Variants in KLRK1 observed in about 807,000 individuals in gnomAD.
KLRK1 encodes the protein killer cell lectin like receptor K1.
KLRK1 carries 40 observed loss-of-function variants against 31.3 expected under a neutral mutation model. The observed-to-expected ratio is 1.28, with a 90% CI of 0.99 to 1.67. The LOEUF (loss-of-function observed/expected upper bound fraction) is 1.67, where lower values mean the gene tolerates loss of function less well. Among genes scored for constraint, KLRK1 ranks in the 40% most tolerant of loss-of-function variants. KLRK1 has a pLI of 0.00. For missense variants in KLRK1, 251 were observed against 260.0 expected, an observed-to-expected ratio of 0.97 and a Z score of 0.24; for synonymous variants, 77 against 77.3, an observed-to-expected ratio of 1.00 and a Z score of 0.02.
At chr12:10,380,185 C>T (rs1863047150) in intron 3 of KLRK1, among the ~76,000 whole-genome samples, 1 of 151,060 alleles carries the variant, frequency 6.6e-6, no homozygotes, top group African/African-American at 2.4e-5. Context: ...CCTGCCTCAC[C>T]CTCCCGAGTA....
rs1040312674 is a variant in KLRK1 at position 10,387,876 on chromosome 12, A to G, written c.41-866T>C. Among the ~76,000 whole-genome samples the G allele has an allele frequency of 1.1e-4, 17 of 152,172 alleles. 1 individual carries two copies. Among genetic ancestry groups the G allele is most frequent in the Admixed American group, 1.1e-3 (17 of 15,272 alleles). On this transcript the variant is annotated intron_variant, in intron 2 of 7. Coordinates refer to ENST00000240618, the MANE Select transcript of KLRK1 (RefSeq NM_007360.4). ...ATTTTCTTTATAATGAAGGACATAC[A>G]TAGGCTAAAATAGTGGGGTCTAATG...
chr12:10,381,387 A>G (rs1168387432), intron 3 of KLRK1, among the ~76,000 whole-genome samples: 2 of 152,218 alleles, frequency 1.3e-5, no homozygotes, highest in African/African-American at 2.4e-5. Context: ...TAGCCCCACA[A>G]GAGATGCTTA....
In KLRK1 at chr12:10,375,701, T is replaced by C. The variant is rs922780996; in HGVS notation, c.533+2431A>G. On this transcript the variant is annotated intron_variant, in intron 7 of 7. Transcript: ENST00000240618. ...TAGTGACAAAATGCTTAGGTTTCAT[T>C]CCTGATCGTTGTAGCTGAATGAAGA... 2.6e-5 allele frequency among the ~76,000 whole-genome samples: 4 copies of C among 152,326 alleles called. No individual in the cohort carries two copies. In the East Asian group the frequency reaches 5.8e-4, roughly 22 times the overall value.
intron 5 of KLRK1, 48 bp downstream of exon 5, chr12:10,379,399 G>A: frequency 8.6e-7 from 1 of 1,166,510 alleles, no homozygotes; most frequent in Non-Finnish European, 1.2e-6. Flanking sequence ...AATAATGTAG[G>A]TAGATACATA....
chr12:10,379,509 A>C (rs1274439595), intron 4 of KLRK1, 27 bp from the exon 5 acceptor site: 2 of 1,436,996 alleles, frequency 1.4e-6, no homozygotes, highest in Non-Finnish European at 1.9e-6. Flanking sequence ...AAGTATTAAA[A>C]GTTTGTATTG....
intron 7 of KLRK1, among the ~76,000 whole-genome samples, chr12:10,376,028 AGG>A (rs1862958419): frequency 6.6e-6 from 1 of 152,240 alleles, no homozygotes; most frequent in Non-Finnish European, 1.5e-5. Flanking sequence ...GATATGCAGA[AGG>A]TCACCTTTGA....
intron 6 of KLRK1, 148 bp downstream of exon 6, chr12:10,378,406 T>G: frequency 2.1e-6 from 3 of 1,400,382 alleles, no homozygotes; most frequent in Non-Finnish European, 1.9e-6. Flanking sequence ...ATTTCTGTGC[T>G]TTGTTATTTT....
At chr12:10,379,606 G>C in intron 4 of KLRK1, 94 bp downstream of exon 4, 1 of 1,361,846 alleles carries the variant, frequency 7.3e-7, no homozygotes, top group Non-Finnish European at 1.0e-6. Context: ...AATATTTCTA[G>C]TTTATGTGTC....
chr12:10,378,615 C>A lies in KLRK1; in HGVS notation c.368G>T (p.Ser123Ile). The A allele has an allele frequency of 1.2e-6, 2 of 1,612,756 alleles. No homozygotes were observed. The highest frequency in any genetic ancestry group is 1.7e-6 in the Non-Finnish European group (2 of 1,179,736). The change falls in exon 6 of 8, where the codon AGC (serine) becomes ATC (isoleucine). Residue 123 changes from serine to isoleucine, a missense_variant. By Grantham distance (142) the Ser-to-Ile change is moderately radical. Coordinates refer to ENST00000240618, the MANE Select transcript of KLRK1 (RefSeq NM_007360.4). ...ATTTTGAGACATACAAGAAGCCTGG[C>A]TCTCATACCAGTTTTTACTCTCATC... ...FFDESKNWYE[S>I]QASCMSQNAS...
rs1419101922 is a variant in KLRK1, at chr12:10,378,231, A to G, written c.434T>C (p.Leu145Ser). ...ATGATATGACTTCACCAGTTTAAGTAAATCCTGTTTGAAACCACAAATAAA... is the reference window on the plus strand; with the variant it reads ...ATGATATGACTTCACCAGTTTAAGTGAATCCTGTTTGAAACCACAAATAAA... ...LKVYSKEDQD[L>S]LKLVKSYHWM... The change falls in exon 7 of 8, where the codon TTA becomes TCA. Residue 145 changes from leucine (L) to serine (S), a missense_variant. Transcript: ENST00000240618. The G allele has an allele frequency of 6.2e-7, 1 of 1,611,978 alleles. No homozygotes were observed. The highest frequency in any genetic ancestry group is 1.3e-5 in the African/African-American group (1 of 74,800).
At chr12:10,379,378 C>A (rs1203982974) in intron 5 of KLRK1, 69 bp downstream of exon 5, 2 of 943,432 alleles carry the variant, frequency 2.1e-6, no homozygotes, top group Non-Finnish European at 3.0e-6. Flanking sequence ...TCATGGAATA[C>A]ATGTCTACAC....
intron 7 of KLRK1, among the ~76,000 whole-genome samples, chr12:10,376,496 AAGT>A (rs1862969167): frequency 6.6e-6 from 1 of 152,196 alleles, no homozygotes; most frequent in South Asian, 2.1e-4. Context: ...TGGAAACAAA[AAGT>A]AGTATCTCAA....
At chr12:10,382,884 TTTG>T (rs1291870652) in intron 3 of KLRK1, among the ~76,000 whole-genome samples, 2 of 152,208 alleles carry the variant, frequency 1.3e-5, no homozygotes, top group Admixed American at 6.5e-5. Flanking sequence ...AGTTTTTTCT[TTTG>T]TTGTTTTGTT....
intron 7 of KLRK1, among the ~76,000 whole-genome samples, chr12:10,374,790 A>G (rs1367643978): frequency 6.6e-6 from 1 of 152,180 alleles, no homozygotes; most frequent in Admixed American, 6.5e-5. Flanking sequence ...ACACTGGATT[A>G]TTTGTTTGTA....
rs2061754 is a variant in KLRK1 at position 10,372,902 on chromosome 12, T to C, written c.*212A>G. ...GAGGCAGCCTTGGGGATATCTGAAT[T>C]GCCTTTAGGATCTCTCTTCTTTTGT... On this transcript the variant is annotated 3_prime_UTR_variant, in exon 8 of 8. Transcript: ENST00000240618. 10,906 of 494,736 alleles carry C rather than the reference T, an allele frequency of 0.022. 998 individuals carry two copies. Among genetic ancestry groups the C allele is most frequent in the African/African-American group, 0.2 (9,729 of 49,278 alleles). 30.6% of individuals were successfully genotyped at this position (494,736 alleles called of 1,614,324 possible).
chr12:10,383,947 G>A (rs1039791050), intron 3 of KLRK1, among the ~76,000 whole-genome samples: 1 of 152,014 alleles, frequency 6.6e-6, no homozygotes, highest in Non-Finnish European at 1.5e-5. Flanking sequence ...AAAATCAGTA[G>A]TGTTTCTATA....
chr12:10,387,069 A>C, intron 2 of KLRK1, 59 bp from the exon 3 acceptor site: 1 of 1,388,774 alleles, frequency 7.2e-7, no homozygotes, highest in Non-Finnish European at 9.8e-7. Flanking sequence ...TTGGGGCATA[A>C]ATTTTAAAAA....
chr12:10,379,045 T>TCGGGAGGG, intron 5 of KLRK1: 1 of 190,980 alleles, frequency 5.2e-6, no homozygotes, highest in Non-Finnish European at 1.1e-5. Flanking sequence ...TCCCAGCTAC[T>TCGGGAGGG]TGGAAGCTGA....
intron 6 of KLRK1, 134 bp from the exon 7 acceptor site, chr12:10,378,369 T>C: frequency 7.7e-7 from 1 of 1,298,518 alleles, no homozygotes; most frequent in South Asian, 1.4e-5. Flanking sequence ...ATAATTCTCA[T>C]CCGAGCACAC....
Sources: allele counts gnomAD v4.1 joint callset (sites outside exome capture counted in the v4.1 genomes callset), GRCh38; gene constraint gnomAD v4.1.1; transcripts MANE v1.5; gene names NCBI Gene and HGNC (gene_info 2026-07-23, HGNC 2026-07-21).